MANSC4: variants seen among roughly 807,000 people sequenced by gnomAD.
MANSC4 encodes MANSC domain-containing protein 4.
MANSC4 carries 11 observed loss-of-function variants against 11.4 expected under a neutral mutation model. The observed-to-expected ratio is 0.97, with a 90% CI of 0.61 to 1.60. The LOEUF is 1.60. Ranked by LOEUF, MANSC4 falls within the 40% of genes most tolerant of loss-of-function variation. The pLI is 0.00. For synonymous variants in MANSC4, 123 were observed against 147.1 expected (o/e 0.84, Z 1.19); for missense variants, 354 against 404.6 (o/e 0.88, Z 1.07).
chr12:27,766,760 T>C lies in MANSC4; in HGVS notation c.269A>G (p.His90Arg). 1.3e-6 allele frequency: 2 copies of C among 1,551,742 alleles called. No homozygotes were observed. The highest frequency in any genetic ancestry group is 2.4e-5 in the South Asian group (2 of 84,062). The stretch of plus-strand genomic sequence containing the variant: ...AACATGGAGGCAGTTGATATTGTCA[T>C]GAATAGGACTGTGGTAGAAGACAGC... ...NLAVFYHSPIHDNINCLHVHC... is the reference protein window; with the variant it reads ...NLAVFYHSPIRDNINCLHVHC... Residue 90 changes from histidine (H) to arginine (R), a missense_variant, in exon 3 of 4, where the codon CAT (histidine) becomes CGT (arginine). Transcript: ENST00000381273.
Position 27,779,567 on chromosome 12 carries a change from G to A in MANSC4, c.-307+643C>T, listed in dbSNP as rs181280114. ...CACGCTACCAGAGAATCAGCTCTAC[G>A]TGCCACCAACATTGCCACCAACTGT... On this transcript the variant is annotated intron_variant, in intron 1 of 3. Transcript: ENST00000381273. Among the ~76,000 whole-genome samples the A allele has an allele frequency of 5.9e-5, 9 of 152,176 alleles. No homozygotes were observed. In the East Asian group the frequency reaches 7.8e-4, roughly 13 times the overall value.
Position 27,764,737 on chromosome 12 carries a change from C to G in MANSC4, c.365-1341G>C, listed in dbSNP as rs558142364. On this transcript the variant is annotated intron_variant, in intron 3 of 3. Transcript: ENST00000381273. Reference sequence around the variant, plus strand: ...TTCTATTGGAGGTTTCCATCTGGACCTCTTACATCATCTCTTAATATGCCC... The same window carrying G: ...TTCTATTGGAGGTTTCCATCTGGACGTCTTACATCATCTCTTAATATGCCC... Among the ~76,000 whole-genome samples the G allele has an allele frequency of 1.0e-3, 157 of 152,242 alleles. 1 individual carries two copies. The highest frequency in any genetic ancestry group is 3.5e-3 in the African/African-American group (147 of 41,544).
At position 27,762,734 on chromosome 12, in the gene MANSC4, T is replaced by C; in HGVS notation, c.*4A>G. 1 of 1,506,210 alleles carries C rather than the reference T, an allele frequency of 6.6e-7. No homozygotes were observed. The highest frequency in any genetic ancestry group is 1.3e-5 in the South Asian group (1 of 77,074). The allele number at this position is 1,506,210 out of a possible 1,614,324, so 93.3% of individuals were successfully genotyped here. ...GAAAGCATATAATCTTGCTACAGTT[T>C]TTACTATGAAGAGTTCTCCTTCATA... On this transcript the variant is annotated 3_prime_UTR_variant, in exon 4 of 4. Transcript: ENST00000381273.
In MANSC4 at chr12:27,771,368, G is replaced by A; in HGVS notation, c.-92C>T. 2 of 1,149,354 alleles carry A rather than the reference G, an allele frequency of 1.7e-6. No individual in the cohort carries two copies. The highest frequency in any genetic ancestry group is 2.4e-6 in the Non-Finnish European group (2 of 817,620). 71.2% of individuals were successfully genotyped at this position (1,149,354 alleles called of 1,614,324 possible). Reference sequence around the variant, plus strand: ...TAGGACAGTCTCTGGAACGTCAGAGGTGTTGTTAAGGGAGAGCTTCCTTGC... The same window carrying A: ...TAGGACAGTCTCTGGAACGTCAGAGATGTTGTTAAGGGAGAGCTTCCTTGC... On this transcript the variant is annotated 5_prime_UTR_variant, in exon 2 of 4. Transcript: ENST00000381273.
chr12:27,768,640 CTTTTTTTT>C (rs59045898), intron 2 of MANSC4, among the ~76,000 whole-genome samples: 1 of 128,300 alleles, frequency 7.8e-6, no homozygotes, highest in Non-Finnish European at 1.6e-5. Flanking sequence ...AAGGTACCGA[CTTTTTTTT>C]TTTTTTTTTT....
chr12:27,763,802 C>G (rs1270542300), intron 3 of MANSC4, among the ~76,000 whole-genome samples: 5 of 152,082 alleles, frequency 3.3e-5, no homozygotes, highest in Non-Finnish European at 7.4e-5. Flanking sequence ...ATGGTCTCAG[C>G]TCACTGCAGC....
At chr12:27,770,498 T>A (rs1411568373) in intron 2 of MANSC4, among the ~76,000 whole-genome samples, 1 of 151,184 alleles carries the variant, frequency 6.6e-6, no homozygotes, top group Non-Finnish European at 1.5e-5. Context: ...TTAAAAAAAA[T>A]TTGATATGAT....
At position 27,778,528 on chromosome 12, in the gene MANSC4, A is replaced by G. The variant is rs565662247; in HGVS notation, c.-307+1682T>C. Among the ~76,000 whole-genome samples, 3 of 152,204 alleles carry G rather than the reference A, an allele frequency of 2.0e-5. No homozygotes were observed. In the South Asian group the frequency reaches 6.2e-4, roughly 32 times the overall value. ...CTTATGAAGAAGATATTATTTAACA[A>G]TCTGTCATTCAAGAAGAAAGCTGAA... On this transcript the variant is annotated intron_variant, in intron 1 of 3. Coordinates refer to ENST00000381273, the MANE Select transcript of MANSC4 (RefSeq NM_001146221.5).
At chr12:27,767,472 G>T (rs1324011407) in intron 2 of MANSC4, among the ~76,000 whole-genome samples, 1 of 152,082 alleles carries the variant, frequency 6.6e-6, no homozygotes, top group Non-Finnish European at 1.5e-5. Context: ...GGGAGGCCGA[G>T]GGGGGCAGAT....
intron 1 of MANSC4, among the ~76,000 whole-genome samples, chr12:27,772,074 A>G (rs1226932514): frequency 6.6e-6 from 1 of 152,160 alleles, no homozygotes; most frequent in Admixed American, 6.5e-5. Flanking sequence ...CAAACAAACA[A>G]AAAACACTAG....
intron 1 of MANSC4, among the ~76,000 whole-genome samples, chr12:27,772,379 T>G (rs2062104373): frequency 6.6e-6 from 1 of 152,238 alleles, no homozygotes; most frequent in African/African-American, 2.4e-5. Context: ...TTTATACCTT[T>G]TTATACAATG....
In MANSC4 at chr12:27,771,151, T is replaced by G; in HGVS notation, c.126A>C (p.Leu42=). 7 of 1,551,976 alleles carry G rather than the reference T, an allele frequency of 4.5e-6. No homozygotes were observed. The highest frequency in any genetic ancestry group is 5.2e-6 in the Non-Finnish European group (6 of 1,147,052). ...GCTTCTGAGACTCCTCCAGATTGAT[T>G]AGAAGACCTGGGAAGCGACGGATCC... ...DCWIRRFPGL[L]INLEESQKLG... The change falls in exon 2 of 4, where the codon CTA becomes CTC. Residue 42 remains leucine, a synonymous_variant. Coordinates refer to ENST00000381273, the MANE Select transcript of MANSC4 (RefSeq NM_001146221.5).
intron 1 of MANSC4, chr12:27,779,842 C>G (rs2062135843): frequency 6.6e-6 from 1 of 151,554 alleles, no homozygotes; most frequent in Non-Finnish European, 1.5e-5. Context: ...GCGCCCCGGG[C>G]GGGCGGAGAG....
intron 2 of MANSC4, among the ~76,000 whole-genome samples, chr12:27,769,412 G>A (rs998161048): frequency 5.3e-5 from 8 of 152,158 alleles, no homozygotes; most frequent in Non-Finnish European, 1.0e-4. Context: ...TTGTTCTGAA[G>A]GAAGAAAGCC....
rs2062128661 is a variant in MANSC4, at chr12:27,778,573, AAAAC to A, written c.-307+1633_-307+1636del. Reference sequence around the variant, plus strand: ...GCTGAAGCTTGTAATAATAAAAAAAAAAACCAAACACATATTCTCTCCAAGTTAA... The same window carrying A: ...GCTGAAGCTTGTAATAATAAAAAAAACAAACACATATTCTCTCCAAGTTAA... On this transcript the variant is annotated intron_variant, in intron 1 of 3. Transcript: ENST00000381273. Among the ~76,000 whole-genome samples the A allele has an allele frequency of 2.0e-5, 3 of 152,184 alleles. No individual in the cohort carries two copies. The East Asian group carries it at 5.8e-4, about 29-fold the overall frequency.
intron 2 of MANSC4, among the ~76,000 whole-genome samples, chr12:27,768,402 C>CAAAAAAAAAAAA (rs201953091): frequency 4.6e-5 from 5 of 109,686 alleles, no homozygotes; most frequent in Non-Finnish European, 7.0e-5. Flanking sequence ...GACTCTGTCT[C>CAAAAAAAAAAAA]AAAAAAAAAA....
intron 2 of MANSC4, among the ~76,000 whole-genome samples, chr12:27,769,932 G>A (rs1265574913): frequency 1.3e-5 from 2 of 152,118 alleles, no homozygotes; most frequent in Non-Finnish European, 2.9e-5. Flanking sequence ...TTGAAATCCT[G>A]CAATAATAAA....
At chr12:27,764,107 C>T (rs1037378673) in intron 3 of MANSC4, among the ~76,000 whole-genome samples, 2 of 152,130 alleles carry the variant, frequency 1.3e-5, no homozygotes, top group Non-Finnish European at 2.9e-5. Context: ...ATGAGCAAAG[C>T]CTTACGCCTC....
chr12:27,766,242 A>AT (rs1219853770), intron 3 of MANSC4, among the ~76,000 whole-genome samples: 8 of 151,952 alleles, frequency 5.3e-5, no homozygotes, highest in African/African-American at 7.3e-5. Flanking sequence ...TAATTTTTGT[A>AT]TTTTTGGTAG....
Sources: allele counts gnomAD v4.1 joint callset (sites outside exome capture counted in the v4.1 genomes callset), GRCh38; gene constraint gnomAD v4.1.1; transcripts MANE v1.5; gene names NCBI Gene and HGNC (gene_info 2026-07-23, HGNC 2026-07-21).